Variants in ITPR1 observed in about 807,000 individuals in gnomAD.
The protein encoded by ITPR1 is inositol 1,4,5-trisphosphate-gated calcium channel ITPR1.
Under a neutral mutation model 318.4 loss-of-function variants are expected in ITPR1, and 96 were observed. The ratio of observed to expected loss-of-function variants is 0.30; its 90% CI spans 0.26 to 0.36. The LOEUF (loss-of-function observed/expected upper bound fraction) is 0.36. Among genes scored for constraint, ITPR1 ranks in the 10% least tolerant of loss-of-function variants. ITPR1 has a pLI of 1.00. For synonymous variants in ITPR1, 1,312 were observed against 1,289.9 expected (o/e 1.02, Z -0.37); for missense variants, 2,440 against 3,460.2 (o/e 0.71, Z 7.40).
intron 2 of ITPR1, among the ~76,000 whole-genome samples, chr3:4,504,668 A>G (rs2081274090): frequency 6.6e-6 from 1 of 152,162 alleles, no homozygotes; most frequent in Non-Finnish European, 1.5e-5. Flanking sequence ...TCCTCATTTC[A>G]CAATAAAGAT....
At chr3:4,707,087 G>A (rs2094773886) in intron 37 of ITPR1, among the ~76,000 whole-genome samples, 1 of 152,172 alleles carries the variant, frequency 6.6e-6, no homozygotes, top group Admixed American at 6.5e-5. Context: ...GTAATCTTGG[G>A]AAAGTTACTT....
At chr3:4,820,105 T>C (rs2049593842) in intron 60 of ITPR1, among the ~76,000 whole-genome samples, 1 of 152,262 alleles carries the variant, frequency 6.6e-6, no homozygotes, top group Non-Finnish European at 1.5e-5. Flanking sequence ...ACAGGTGAGG[T>C]TTCCAGGGTC....
intron 36 of ITPR1, among the ~76,000 whole-genome samples, chr3:4,704,361 G>A (rs544346790): frequency 9.2e-5 from 14 of 152,314 alleles, no homozygotes; most frequent in South Asian, 4.1e-4. Flanking sequence ...GCGGTGAGCC[G>A]AGATCACGCC....
At chr3:4,507,172 T>C (rs2081453858) in intron 2 of ITPR1, among the ~76,000 whole-genome samples, 2 of 151,518 alleles carry the variant, frequency 1.3e-5, no homozygotes, top group African/African-American at 4.9e-5. Flanking sequence ...ACAGATCATA[T>C]ATCTGTTTCT....
intron 54 of ITPR1, among the ~76,000 whole-genome samples, chr3:4,803,135 G>A (rs1258132966): frequency 6.6e-6 from 1 of 152,210 alleles, no homozygotes; most frequent in Non-Finnish European, 1.5e-5. Flanking sequence ...GGAGGAAGCG[G>A]ATGGGGAGGC....
intron 44 of ITPR1, chr3:4,751,032 C>T (rs975443770): frequency 1.3e-5 from 2 of 152,784 alleles, no homozygotes; most frequent in Non-Finnish European, 2.9e-5. Flanking sequence ...ATTCAGATTG[C>T]TCCAAAACCA....
At chr3:4,780,769 T>A (rs2046778147) in intron 49 of ITPR1, among the ~76,000 whole-genome samples, 1 of 151,886 alleles carries the variant, frequency 6.6e-6, no homozygotes, top group African/African-American at 2.4e-5. Flanking sequence ...TAACTGGGGA[T>A]CACTGGGGAG....
chr3:4,791,004 T>C (rs1273001142), intron 52 of ITPR1, among the ~76,000 whole-genome samples: 3 of 152,038 alleles, frequency 2.0e-5, no homozygotes, highest in Non-Finnish European at 4.4e-5. Flanking sequence ...CGAGGCAGAG[T>C]TGAATGTGCT....
At chr3:4,560,898 T>G (rs1299751241) in intron 4 of ITPR1, among the ~76,000 whole-genome samples, 2 of 152,196 alleles carry the variant, frequency 1.3e-5, no homozygotes, top group Non-Finnish European at 1.5e-5. Context: ...CCTTTTGAAT[T>G]TTGCTAAAAG....
chr3:4,508,097 T>G (rs2081522320), intron 2 of ITPR1, among the ~76,000 whole-genome samples: 1 of 152,084 alleles, frequency 6.6e-6, no homozygotes, highest in Admixed American at 6.5e-5. Context: ...AGGCAGGGGA[T>G]CCAAAGTACC....
rs148305093 is a variant in ITPR1 at position 4,516,699 on chromosome 3, C to T, written c.92+116C>T. On this transcript the variant is annotated intron_variant, in intron 3 of 61. Coordinates refer to ENST00000649015, the MANE Select transcript of ITPR1 (RefSeq NM_001378452.1). ...ACCGTTTTACTTGGCTTTCTAAGTGCGGTTGAAATCACAAACACCAAATCT... is the reference window on the plus strand; with the variant it reads ...ACCGTTTTACTTGGCTTTCTAAGTGTGGTTGAAATCACAAACACCAAATCT... 3.5e-3 allele frequency: 2,497 copies of T among 706,732 alleles called. 46 individuals are homozygous for T. The African/African-American group carries it at 0.041, about 12-fold the overall frequency. 43.8% of individuals were successfully genotyped at this position (706,732 alleles called of 1,614,324 possible).
At chr3:4,552,017 C>G (rs2085618154) in intron 4 of ITPR1, among the ~76,000 whole-genome samples, 1 of 152,172 alleles carries the variant, frequency 6.6e-6, no homozygotes, top group African/African-American at 2.4e-5. Context: ...GAAGTAATCC[C>G]ATTTGTATTT....
At chr3:4,821,282 T>G (rs748546089) in intron 60 of ITPR1, among the ~76,000 whole-genome samples, 1 of 152,202 alleles carries the variant, frequency 6.6e-6, no homozygotes, top group Non-Finnish European at 1.5e-5. Context: ...GATGTTGGAT[T>G]ACTCTGCAGC....
At chr3:4,612,521 C>T (rs2092194001) in intron 4 of ITPR1, among the ~76,000 whole-genome samples, 1 of 152,060 alleles carries the variant, frequency 6.6e-6, no homozygotes, top group Non-Finnish European at 1.5e-5. Context: ...TATCCCCCCA[C>T]TTCTGTCCCC....
chr3:4,609,409 G>A (rs919376495), intron 4 of ITPR1, among the ~76,000 whole-genome samples: 1 of 151,986 alleles, frequency 6.6e-6, no homozygotes, highest in East Asian at 1.9e-4. Context: ...TTTATTTAGG[G>A]TATATACACG....
intron 4 of ITPR1, among the ~76,000 whole-genome samples, chr3:4,553,407 A>AT (rs773113414): frequency 1.1e-4 from 16 of 152,184 alleles, no homozygotes; most frequent in Admixed American, 3.3e-4. Flanking sequence ...TGACTAAGAC[A>AT]TTTGAAGTTT....
At position 4,676,757 on chromosome 3, in the gene ITPR1, A is replaced by G. The variant is rs767074651; in HGVS notation, c.2923A>G (p.Ile975Val). 7 of 1,613,754 alleles carry G rather than the reference A, an allele frequency of 4.3e-6. No individual in the cohort carries two copies. Among genetic ancestry groups the G allele is most frequent in the Middle Eastern group, 1.7e-4 (1 of 6,048 alleles). ...GCAGGCAGAGCCTGAGAAGGAGGAC[A>G]TCATGGTCATGGACACCAAGCTGAA... ...VKQAEPEKED[I>V]MVMDTKLKII... The change falls in exon 24 of 62, where the codon ATC (isoleucine) becomes GTC (valine). Residue 975 changes from isoleucine to valine, a missense_variant. Coordinates refer to ENST00000649015, the MANE Select transcript of ITPR1 (RefSeq NM_001378452.1).
intron 12 of ITPR1, among the ~76,000 whole-genome samples, chr3:4,657,368 C>A (rs79108700): frequency 6.7e-6 from 1 of 148,792 alleles, no homozygotes; most frequent in Admixed American, 6.7e-5. Context: ...CTAGCTCCTG[C>A]GGATGGATGT....
intron 13 of ITPR1, among the ~76,000 whole-genome samples, chr3:4,660,397 A>T (rs1000905966): frequency 1.3e-5 from 2 of 149,436 alleles, no homozygotes; most frequent in South Asian, 2.1e-4. Context: ...TTCCCAGGCT[A>T]TGGTGATTTT....
Sources: gnomAD v4.1 joint callset for allele counts (sites outside exome capture counted in the v4.1 genomes callset) on GRCh38, gnomAD v4.1.1 for gene constraint, MANE v1.5 for transcripts, NCBI Gene and HGNC (gene_info 2026-07-23, HGNC 2026-07-21) for gene names.